FOXO3: variants seen among roughly 807,000 people sequenced by gnomAD.
The protein encoded by FOXO3 is forkhead box protein O3.
In FOXO3, 4 loss-of-function variants were observed where a neutral mutation model predicts 41.9. The observed-to-expected ratio is 0.10, with a 90% confidence interval of 0.05 to 0.22. The LOEUF (loss-of-function observed/expected upper bound fraction) is 0.22. Ranked by LOEUF, FOXO3 falls within the 10% of genes least tolerant of loss-of-function variation. The pLI is 1.00. For missense variants in FOXO3, 534 were observed against 906.8 expected, an observed-to-expected ratio of 0.59 and a Z score of 5.28; for synonymous variants, 318 against 389.3, an observed-to-expected ratio of 0.82 and a Z score of 2.16.
At chr6:108,665,935 T>TA (rs771601044) in intron 2 of FOXO3, among the ~76,000 whole-genome samples, 12 of 151,748 alleles carry the variant, frequency 7.9e-5, no homozygotes, top group Non-Finnish European at 1.8e-4. Context: ...TTTCCAAACA[T>TA]AGAGTGACAC....
At chr6:108,612,931 T>C (rs1277851258) in intron 1 of FOXO3, among the ~76,000 whole-genome samples, 1 of 152,230 alleles carries the variant, frequency 6.6e-6, no homozygotes, top group African/African-American at 2.4e-5. Context: ...TTTTCTCTAT[T>C]CCTATGTGTT....
chr6:108,678,869 C>CTTTTTTT (rs1156923290), intron 2 of FOXO3, among the ~76,000 whole-genome samples: 5,430 of 54,898 alleles, frequency 0.099, 729 homozygotes, highest in East Asian at 0.25. Context: ...TTCTTAAATT[C>CTTTTTTT]TTTTTTTTTT....
chr6:108,652,311 A>G (rs1196581790), intron 1 of FOXO3, among the ~76,000 whole-genome samples: 2 of 152,262 alleles, frequency 1.3e-5, no homozygotes, highest in Non-Finnish European at 2.9e-5. Context: ...AAAAGGTGTC[A>G]TTTCTAAAAA....
rs546432282 is a variant in FOXO3 at position 108,652,768 on chromosome 6, A to G, written c.622-10687A>G. 5.3e-5 allele frequency among the ~76,000 whole-genome samples: 8 copies of G among 152,302 alleles called. No homozygotes were observed. The South Asian group carries it at 1.7e-3, about 32-fold the overall frequency. On this transcript the variant is annotated intron_variant, in intron 1 of 2. Coordinates refer to ENST00000406360, the MANE Select transcript of FOXO3 (RefSeq NM_001455.4). ...GTAGGTGAAGTAGACTTGATTTGGG[A>G]TTTCTCTTGTTACCTAGGTGCTTGT...
intron 1 of FOXO3, among the ~76,000 whole-genome samples, chr6:108,662,519 T>A (rs1778899838): frequency 6.6e-6 from 1 of 152,026 alleles, no homozygotes; most frequent in Non-Finnish European, 1.5e-5. Flanking sequence ...ACCTGGCAAA[T>A]CCTGCTCTAC....
chr6:108,628,853 A>G (rs1252546019), intron 1 of FOXO3, among the ~76,000 whole-genome samples: 2 of 151,868 alleles, frequency 1.3e-5, no homozygotes, highest in Non-Finnish European at 2.9e-5. Flanking sequence ...AACACTTTAC[A>G]CAATAAGTTC....
At chr6:108,634,952 T>C (rs1237405053) in intron 1 of FOXO3, among the ~76,000 whole-genome samples, 1 of 151,826 alleles carries the variant, frequency 6.6e-6, no homozygotes, top group Non-Finnish European at 1.5e-5. Flanking sequence ...GGTATTGATA[T>C]ATACATTGTG....
intron 1 of FOXO3, among the ~76,000 whole-genome samples, chr6:108,618,534 T>C (rs1010089833): frequency 1.3e-5 from 2 of 152,264 alleles, no homozygotes; most frequent in Non-Finnish European, 2.9e-5. Context: ...ATGTAAACTT[T>C]GTTAGGCTGG....
At chr6:108,594,095 C>T (rs956948321) in intron 1 of FOXO3, among the ~76,000 whole-genome samples, 1 of 152,116 alleles carries the variant, frequency 6.6e-6, no homozygotes, top group African/African-American at 2.4e-5. Context: ...ACTACCAAAG[C>T]AGTGAGGAGA....
chr6:108,566,696 A>G (rs1441722288), intron 1 of FOXO3, among the ~76,000 whole-genome samples: 2 of 152,000 alleles, frequency 1.3e-5, no homozygotes, highest in East Asian at 3.9e-4. Context: ...TTGTTTGTAT[A>G]CCCACTTATT....
chr6:108,602,751 A>G (rs1777088568), intron 1 of FOXO3, among the ~76,000 whole-genome samples: 1 of 152,142 alleles, frequency 6.6e-6, no homozygotes, highest in Non-Finnish European at 1.5e-5. Flanking sequence ...AGCAATATAG[A>G]TGATTGTGTA....
At chr6:108,568,857 GA>G (rs1776015834) in intron 1 of FOXO3, among the ~76,000 whole-genome samples, 1 of 152,182 alleles carries the variant, frequency 6.6e-6, no homozygotes, top group South Asian at 2.1e-4. Flanking sequence ...ATAAGTCTCT[GA>G]AAACTCCATA....
chr6:108,663,669 A>C lies in FOXO3; in HGVS notation c.836A>C (p.Glu279Ala). The part of the protein sequence containing the change: ...KKKAALQTAP[E>A]SADDSPSQLS... ...AAGGCAGCCCTGCAGACAGCCCCCGAATCAGCTGACGACAGTCCCTCCCAG... is the reference window on the plus strand; with the variant it reads ...AAGGCAGCCCTGCAGACAGCCCCCGCATCAGCTGACGACAGTCCCTCCCAG... Residue 279 changes from glutamate (E) to alanine (A), a missense_variant, in exon 2 of 3, where the codon GAA becomes GCA. This residue lies in a region of FOXO3 where 77 missense variants were observed against 193.2 expected (regional missense o/e 0.40). Transcript: ENST00000406360. 2 of 1,613,094 alleles carry C rather than the reference A, an allele frequency of 1.2e-6. No individual in the cohort carries two copies. Among genetic ancestry groups the C allele is most frequent in the Non-Finnish European group, 1.7e-6 (2 of 1,179,470 alleles).
At position 108,653,001 on chromosome 6, in the gene FOXO3, A is replaced by G. The variant is rs922880561; in HGVS notation, c.622-10454A>G. On this transcript the variant is annotated intron_variant, in intron 1 of 2. Coordinates refer to ENST00000406360, the MANE Select transcript of FOXO3 (RefSeq NM_001455.4). ...ACCCTATCAGTTTGCCCTTCTTTCC[A>G]TCTCTTATTCTAGAGACCTTAAAGC... 2.0e-5 allele frequency among the ~76,000 whole-genome samples: 3 copies of G among 152,072 alleles called. 1 individual carries two copies. The South Asian group carries it at 6.2e-4, about 32-fold the overall frequency.
chr6:108,599,191 C>CAG (rs1776976319), intron 1 of FOXO3, among the ~76,000 whole-genome samples: 1 of 152,150 alleles, frequency 6.6e-6, no homozygotes, highest in East Asian at 1.9e-4. Context: ...TGAATTGAAA[C>CAG]AGGGTTGGGT....
intron 1 of FOXO3, chr6:108,656,214 C>A: frequency 4.5e-6 from 1 of 222,234 alleles, no homozygotes; most frequent in Non-Finnish European, 7.2e-6. Context: ...AATTACACAA[C>A]TCGCTTTTTA....
At chr6:108,640,762 G>C (rs1582805840) in intron 1 of FOXO3, among the ~76,000 whole-genome samples, 1 of 152,194 alleles carries the variant, frequency 6.6e-6, no homozygotes, top group South Asian at 2.1e-4. Flanking sequence ...GTACTGCTTT[G>C]ATCTTGCCCT....
chr6:108,627,730 C>T (rs1777851520), intron 1 of FOXO3, among the ~76,000 whole-genome samples: 1 of 151,984 alleles, frequency 6.6e-6, no homozygotes, highest in African/African-American at 2.4e-5. Flanking sequence ...AAAAAAAATC[C>T]CATAATGCTT....
intron 1 of FOXO3, among the ~76,000 whole-genome samples, chr6:108,610,636 A>G (rs532708742): frequency 2.2e-4 from 33 of 152,332 alleles, no homozygotes; most frequent in Non-Finnish European, 4.3e-4. Context: ...GCATTTAAAT[A>G]CAGTGTAAAA....
Sources: allele counts gnomAD v4.1 joint callset (sites outside exome capture counted in the v4.1 genomes callset), GRCh38; gene constraint gnomAD v4.1.1; regional missense constraint gnomAD v4.1.1; transcripts MANE v1.5; gene names NCBI Gene and HGNC (gene_info 2026-07-23, HGNC 2026-07-21).